Variants in CHD5 observed in about 807,000 individuals in gnomAD.
The protein encoded by CHD5 is chromodomain helicase DNA binding protein 5.
In CHD5, 69 loss-of-function variants were observed where a neutral mutation model predicts 230.3. The ratio of observed to expected loss-of-function variants is 0.30; its 90% CI spans 0.25 to 0.37. The LOEUF (loss-of-function observed/expected upper bound fraction) is 0.37. CHD5 is among the 10% of genes least tolerant of loss of function. CHD5 has a pLI of 1.00. For synonymous variants in CHD5, 1,064 were observed against 1,065.9 expected, an observed-to-expected ratio of 1.00 and a Z score of 0.03; for missense variants, 1,827 against 2,622.8, an observed-to-expected ratio of 0.70 and a Z score of 6.63.
At chr1:6,179,893 C>T (rs1667487472) in intron 1 of CHD5, 52 bp downstream of exon 1, 2 of 1,074,780 alleles carry the variant, frequency 1.9e-6, no homozygotes, top group Admixed American at 3.4e-5. Context: ...GGGCCCGGCC[C>T]GTCTCGGCGC....
chr1:6,172,003 A>G (rs1327846556), intron 1 of CHD5, among the ~76,000 whole-genome samples: 1 of 152,090 alleles, frequency 6.6e-6, no homozygotes, highest in Non-Finnish European at 1.5e-5. Flanking sequence ...CTGGGGGTGG[A>G]GGCGGGGTGG....
rs1414057125 is a variant in CHD5, at chr1:6,134,631, C to T, written c.3012+87G>A. 1 of 1,362,692 alleles carries T rather than the reference C, an allele frequency of 7.3e-7. No individual in the cohort carries two copies. Among genetic ancestry groups the T allele is most frequent in the Non-Finnish European group, 1.0e-6 (1 of 957,850 alleles). The allele number at this position is 1,362,692 out of a possible 1,614,324, so 84.4% of individuals were successfully genotyped here. A position where few individuals can be genotyped will look rare whatever the true frequency, so the allele number is the denominator to read the frequency against. ...CCACAATGGCCAGGAGAACCTATCACAGCGGCCACAGGGACCTACCATGGC... is the reference window on the plus strand; with the variant it reads ...CCACAATGGCCAGGAGAACCTATCATAGCGGCCACAGGGACCTACCATGGC... On this transcript the variant is annotated intron_variant, in intron 19 of 41. Transcript: ENST00000262450. The surrounding 1 kb of genome is among the most constrained non-coding windows in gnomAD (Gnocchi z 6.3).
chr1:6,177,460 A>G (rs955328596), intron 1 of CHD5, among the ~76,000 whole-genome samples: 4 of 152,224 alleles, frequency 2.6e-5, no homozygotes, highest in Non-Finnish European at 5.9e-5. Context: ...CGAGAGTTAC[A>G]TTCGAAGGGG....
chr1:6,112,254 C>T lies in CHD5; in HGVS notation c.5026G>A (p.Glu1676Lys). The T allele has an allele frequency of 1.9e-6, 3 of 1,614,204 alleles. No homozygotes were observed. Among genetic ancestry groups the T allele is most frequent in the East Asian group, 2.2e-5 (1 of 44,874 alleles). Residue 1676 changes from glutamate to lysine, a missense_variant, in exon 35 of 42, where the codon GAG becomes AAG. Physicochemically the swap from Glu to Lys is moderately conservative, Grantham distance 56. Around this residue, in one of 14 missense-constraint regions of CHD5, gnomAD observed 272 missense variants for 263.2 expected, o/e 1.03. Coordinates refer to ENST00000262450, the MANE Select transcript of CHD5 (RefSeq NM_015557.3). ...RPDDTKAEEK[E>K]PIETQQNGDK... ...CCATTTTGCTGTGTTTCAATGGGCT[C>T]CTTCTCCTCAGCCTTGGTGTCATCT...
At position 6,109,870 on chromosome 1, in the gene CHD5, G is replaced by A. The variant is rs1666257288; in HGVS notation, c.5503C>T (p.Leu1835Phe). ...GACAGGTGCTGGTGGCTCTCGGCGA[G>A]GCACTCCACTTCAGCCAGGCGGGCG... ...LNARLAEVEC[L>F]AESHQHLSKE... Residue 1835 changes from leucine (L) to phenylalanine (F), a missense_variant, in exon 38 of 42, where the codon CTC (leucine) becomes TTC (phenylalanine). Around this residue, in one of 14 missense-constraint regions of CHD5, gnomAD observed 208 missense variants for 302.0 expected, o/e 0.69. Transcript: ENST00000262450. 1 of 1,612,646 alleles carries A rather than the reference G, an allele frequency of 6.2e-7. No homozygotes were observed. Among genetic ancestry groups the A allele is most frequent in the African/African-American group, 1.3e-5 (1 of 74,892 alleles).
chr1:6,117,776 G>A (rs1023703615), intron 33 of CHD5, among the ~76,000 whole-genome samples: 4 of 152,108 alleles, frequency 2.6e-5, no homozygotes, highest in African/African-American at 9.7e-5. Flanking sequence ...TAATCAAAAA[G>A]ACAGATAATA....
chr1:6,120,628 C>T (rs1204246071), intron 33 of CHD5, among the ~76,000 whole-genome samples: 3 of 152,124 alleles, frequency 2.0e-5, no homozygotes, highest in Non-Finnish European at 1.5e-5. Context: ...ATGGCAAAAC[C>T]CAGTCTCTAT....
At position 6,149,231 on chromosome 1, in the gene CHD5, T is replaced by G; in HGVS notation, c.1161+15A>C. Reference sequence around the variant, plus strand: ...CGTGGCCCCGCCCCCAGCCCGGGGCTCTGCCAAGGCTTACACAGTGGGGGC... The same window carrying G: ...CGTGGCCCCGCCCCCAGCCCGGGGCGCTGCCAAGGCTTACACAGTGGGGGC... On this transcript the variant is annotated intron_variant, in intron 8 of 41. Coordinates refer to ENST00000262450, the MANE Select transcript of CHD5 (RefSeq NM_015557.3). The G allele has an allele frequency of 6.4e-7, 1 of 1,568,360 alleles. No individual in the cohort carries two copies. The highest frequency in any genetic ancestry group is 1.8e-5 in the Admixed American group (1 of 55,294).
chr1:6,113,331 G>A (rs1395467853), intron 33 of CHD5: 3 of 446,854 alleles, frequency 6.7e-6, no homozygotes, highest in Non-Finnish European at 1.3e-5. Context: ...AGCTGAGGTG[G>A]GAGGGTCGCT....
rs1470474576 is a variant in CHD5 at position 6,128,132 on chromosome 1, T to C, written c.3817A>G (p.Thr1273Ala). 1.9e-6 allele frequency: 3 copies of C among 1,614,132 alleles called. No homozygotes were observed. The highest frequency in any genetic ancestry group is 2.5e-6 in the Non-Finnish European group (3 of 1,179,992). ...ATGTTCTGTAGCTCCGTGTCATCTG[T>C]AGCGTCCTGGTTCCGGTCCAGCAGC... is the stretch of plus-strand genomic sequence containing the variant. ...SKLLDRNQDA[T>A]DDTELQNMNE... The change falls in exon 25 of 42, where the codon ACA becomes GCA. Residue 1273 changes from threonine to alanine, a missense_variant. Physicochemically the swap from Thr to Ala is moderately conservative, Grantham distance 58 (BLOSUM62 0). This residue lies in a region of CHD5 where 137 missense variants were observed against 272.7 expected (regional missense o/e 0.50). Transcript: ENST00000262450. This position sits in a 1 kb window ranked among gnomAD's most constrained non-coding sequence, Gnocchi z 7.8.
intron 2 of CHD5, among the ~76,000 whole-genome samples, chr1:6,162,201 G>A (rs1276428377): frequency 1.3e-5 from 2 of 152,018 alleles, no homozygotes; most frequent in African/African-American, 4.8e-5. Context: ...GACCAACTTG[G>A]AGAAACACTT....
At chr1:6,151,317 G>T (rs1424594338) in intron 6 of CHD5, among the ~76,000 whole-genome samples, 162 bp from the exon 7 acceptor site, 2 of 152,138 alleles carry the variant, frequency 1.3e-5, no homozygotes, top group Non-Finnish European at 2.9e-5. Context: ...TCACATTACA[G>T]CCTGCCTGTC....
At chr1:6,112,509 C>G (rs1030409765) in intron 34 of CHD5, among the ~76,000 whole-genome samples, 6 of 152,226 alleles carry the variant, frequency 3.9e-5, no homozygotes, top group Non-Finnish European at 1.5e-5. Flanking sequence ...CAGGACCACC[C>G]AGGAGTAGGA....
chr1:6,109,678 T>C, intron 38 of CHD5, 117 bp downstream of exon 38: 1 of 860,998 alleles, frequency 1.2e-6, no homozygotes, highest in Non-Finnish European at 1.8e-6. Context: ...CACCGCCCTC[T>C]GGGCTGACAT....
At chr1:6,140,398 C>CA (rs200858938) in intron 15 of CHD5, among the ~76,000 whole-genome samples, 10,384 of 132,118 alleles carry the variant, frequency 0.079, 588 homozygotes, top group East Asian at 0.3. Flanking sequence ...GACTCCATCT[C>CA]AAAAAAAAAA....
chr1:6,144,063 G>A lies in CHD5; in HGVS notation c.1895C>T (p.Pro632Leu), dbSNP rs1411629541. The A allele has an allele frequency of 1.2e-6, 2 of 1,614,046 alleles. No homozygotes were observed. The highest frequency in any genetic ancestry group is 1.7e-6 in the Non-Finnish European group (2 of 1,180,038). ...GGCCTGCTTGAGGTTGTCGTAGTAG[G>A]GGATGTCGATGTCATCGATCTCCCA... The part of the protein sequence containing the change: ...CTWEIDDIDI[P>L]YYDNLKQAYW... Residue 632 changes from proline (P) to leucine (L), a missense_variant, in exon 12 of 42, where the codon CCC (proline) becomes CTC (leucine). This residue lies in a region of CHD5 where 657 missense variants were observed against 816.4 expected (regional missense o/e 0.80). Coordinates refer to ENST00000262450, the MANE Select transcript of CHD5 (RefSeq NM_015557.3).
At chr1:6,160,407 C>A (rs1289283987) in intron 2 of CHD5, among the ~76,000 whole-genome samples, 1 of 137,616 alleles carries the variant, frequency 7.3e-6, no homozygotes, top group Non-Finnish European at 1.6e-5. Context: ...GGGCCCCAGC[C>A]AGAGAAGGGC....
Position 6,142,052 on chromosome 1 carries a change from G to A in CHD5, c.2436+76C>T. The A allele has an allele frequency of 7.5e-7, 1 of 1,340,128 alleles. No individual in the cohort carries two copies. Among genetic ancestry groups the A allele is most frequent in the Non-Finnish European group, 1.1e-6 (1 of 938,874 alleles). 83.0% of individuals were successfully genotyped at this position (1,340,128 alleles called of 1,614,324 possible). ...CCTCCCAGGCTGAGGGACCCCAAAG[G>A]AGTGCACGGCACCCGTGGTCCCTGA... is the stretch of plus-strand genomic sequence containing the variant. On this transcript the variant is annotated intron_variant, in intron 15 of 41. Transcript: ENST00000262450. This position sits in a 1 kb window ranked among gnomAD's most constrained non-coding sequence, Gnocchi z 5.2.
chr1:6,133,398 G>A (rs868633534), intron 20 of CHD5, among the ~76,000 whole-genome samples: 1 of 152,238 alleles, frequency 6.6e-6, no homozygotes, highest in Non-Finnish European at 1.5e-5. Context: ...ACCTGGGGCT[G>A]CAGGCGGCGG....
Sources: allele counts gnomAD v4.1 joint callset (sites outside exome capture counted in the v4.1 genomes callset), GRCh38; gene constraint gnomAD v4.1.1; regional missense constraint gnomAD v4.1.1; non-coding constraint Gnocchi (gnomAD v3.1); transcripts MANE v1.5; gene names NCBI Gene and HGNC (gene_info 2026-07-23, HGNC 2026-07-21).